SVEP1: variants seen among roughly 807,000 people sequenced by gnomAD.
SVEP1 encodes sushi, von Willebrand factor type A, EGF and pentraxin domain-containing protein 1.
Under a neutral mutation model 367.3 loss-of-function variants are expected in SVEP1, and 164 were observed. The observed-to-expected ratio is 0.45, with a 90% CI of 0.39 to 0.51. SVEP1 has a LOEUF of 0.51. Ranked by LOEUF, SVEP1 falls within the 20% of genes least tolerant of loss-of-function variation. The probability of loss-of-function intolerance (pLI) is 0.00; values close to 1 mark genes in which losing one functional copy is unlikely to be tolerated. For missense variants in SVEP1, 4,117 were observed against 4,425.3 expected, an observed-to-expected ratio of 0.93 and a Z score of 1.98; for synonymous variants, 1,666 against 1,611.6, an observed-to-expected ratio of 1.03 and a Z score of -0.81.
chr9:110,389,455 A>G, intron 41 of SVEP1, 69 bp downstream of exon 41: 1 of 1,569,558 alleles, frequency 6.4e-7, no homozygotes, highest in Non-Finnish European at 8.7e-7. Flanking sequence ...CTATAAAGAA[A>G]ATGTAGCCAC....
At chr9:110,526,879 T>C (rs1373611800) in intron 3 of SVEP1, among the ~76,000 whole-genome samples, 3 of 152,108 alleles carry the variant, frequency 2.0e-5, no homozygotes. Context: ...CACAACCATC[T>C]GGAAAAATCT....
intron 3 of SVEP1, among the ~76,000 whole-genome samples, chr9:110,518,493 G>C (rs1437480749): frequency 6.6e-6 from 1 of 151,426 alleles, no homozygotes; most frequent in East Asian, 1.9e-4. Flanking sequence ...TTGTTTGTTT[G>C]TTTGTAGACA....
chr9:110,434,546 A>G (rs778540809), intron 29 of SVEP1, 40 bp from the exon 30 acceptor site: 1 of 1,591,660 alleles, frequency 6.3e-7, no homozygotes, highest in African/African-American at 1.3e-5. Flanking sequence ...TGTCAGCGGC[A>G]TAGTGGTAGC....
rs560755920 is a variant in SVEP1, at chr9:110,548,726, T to C, written c.787+1123A>G. On this transcript the variant is annotated intron_variant, in intron 2 of 47. Coordinates refer to ENST00000374469, the MANE Select transcript of SVEP1 (RefSeq NM_153366.4). ...ACGCAAATCCATACTTTATTTCCCA[T>C]ACTCAGTTTCTTGCTGCTTCTAAGC... Among the ~76,000 whole-genome samples, 48 of 152,312 alleles carry C rather than the reference T, an allele frequency of 3.2e-4. 1 individual carries two copies. The highest frequency in any genetic ancestry group is 2.9e-3 in the Admixed American group (45 of 15,292).
chr9:110,501,401 C>T (rs971589826), intron 6 of SVEP1, among the ~76,000 whole-genome samples: 1 of 51,964 alleles, frequency 1.9e-5, no homozygotes, highest in African/African-American at 6.3e-5. Context: ...TATAGAAAAG[C>T]TGTCTATTTT....
chr9:110,547,450 C>T (rs1009154198), intron 2 of SVEP1, among the ~76,000 whole-genome samples: 1 of 152,120 alleles, frequency 6.6e-6, no homozygotes, highest in Non-Finnish European at 1.5e-5. Context: ...TGGTACATGC[C>T]TGTTGTCCCA....
chr9:110,527,358 C>T (rs1285783761), intron 3 of SVEP1, among the ~76,000 whole-genome samples: 1 of 151,804 alleles, frequency 6.6e-6, no homozygotes, highest in Non-Finnish European at 1.5e-5. Context: ...CAGAAATATT[C>T]AAAGCAGAGA....
At chr9:110,536,920 G>GAT in intron 3 of SVEP1, among the ~76,000 whole-genome samples, 1 of 152,016 alleles carries the variant, frequency 6.6e-6, no homozygotes. Flanking sequence ...AAAACTAACA[G>GAT]ATAGTCATTT....
chr9:110,380,365 CATA>C (rs577390186), intron 43 of SVEP1, among the ~76,000 whole-genome samples: 22 of 152,180 alleles, frequency 1.4e-4, no homozygotes, highest in South Asian at 1.2e-3. Flanking sequence ...ACTTTGTTGT[CATA>C]ATACTACCAT....
In SVEP1 at chr9:110,436,510, G is replaced by A. The variant is rs1470991445; in HGVS notation, c.4640-6C>T. 1 of 1,612,084 alleles carries A rather than the reference G, an allele frequency of 6.2e-7. No individual in the cohort carries two copies. Among genetic ancestry groups the A allele is most frequent in the Admixed American group, 1.7e-5 (1 of 59,594 alleles). On this transcript the variant is annotated splice_polypyrimidine_tract_variant and splice_region_variant and intron_variant, in intron 27 of 47. Coordinates refer to ENST00000374469, the MANE Select transcript of SVEP1 (RefSeq NM_153366.4). ...CAGAACTAACGCACCACCACCTAAGGAGAGAGAAAGAGAAAGAAAAGGAGG... is the reference window on the plus strand; with the variant it reads ...CAGAACTAACGCACCACCACCTAAGAAGAGAGAAAGAGAAAGAAAAGGAGG...
At chr9:110,398,567 G>A (rs531930451) in intron 40 of SVEP1, among the ~76,000 whole-genome samples, 2 of 145,056 alleles carry the variant, frequency 1.4e-5, no homozygotes, top group South Asian at 4.3e-4. Context: ...CCTACAGAAT[G>A]GGAGAAAATT....
At chr9:110,416,729 A>C (rs1240887813) in intron 36 of SVEP1, among the ~76,000 whole-genome samples, 1 of 152,078 alleles carries the variant, frequency 6.6e-6, no homozygotes, top group African/African-American at 2.4e-5. Context: ...ACACTAAAAC[A>C]ACAAAGACAA....
chr9:110,562,136 TA>T (rs60958087), intron 1 of SVEP1, among the ~76,000 whole-genome samples: 1,627 of 150,814 alleles, frequency 0.011, 24 homozygotes, highest in African/African-American at 0.038. Flanking sequence ...TAAAATGGTT[TA>T]AAAAAAACAT....
At chr9:110,577,958 G>A (rs569982133) in intron 1 of SVEP1, among the ~76,000 whole-genome samples, 1 of 152,244 alleles carries the variant, frequency 6.6e-6, no homozygotes, top group African/African-American at 2.4e-5. Context: ...TATGATATTG[G>A]TGAATATGTG....
intron 43 of SVEP1, among the ~76,000 whole-genome samples, chr9:110,384,513 A>G (rs1827490567): frequency 6.6e-6 from 1 of 151,136 alleles, no homozygotes. Flanking sequence ...TAATACTGCA[A>G]TAAGCTGCTA....
chr9:110,511,488 C>CTTTTTTTTTTTTTTTTTTT (rs199993986), intron 5 of SVEP1, among the ~76,000 whole-genome samples: 2 of 77,570 alleles, frequency 2.6e-5, no homozygotes, highest in Non-Finnish European at 5.5e-5. Context: ...GTGTCAGTAC[C>CTTTTTTTTTTTTTTTTTTT]TTTTTTTTTT....
intron 2 of SVEP1, among the ~76,000 whole-genome samples, chr9:110,548,086 G>T (rs1226248747): frequency 6.6e-6 from 1 of 152,042 alleles, no homozygotes; most frequent in Non-Finnish European, 1.5e-5. Flanking sequence ...ATCCCATCTG[G>T]CAACACCCAG....
At chr9:110,564,459 T>C (rs1830466143) in intron 1 of SVEP1, among the ~76,000 whole-genome samples, 1 of 152,158 alleles carries the variant, frequency 6.6e-6, no homozygotes, top group African/African-American at 2.4e-5. Flanking sequence ...CTGGAACGCT[T>C]GAAAAAGCCA....
chr9:110,561,270 T>A (rs201476384), intron 1 of SVEP1, among the ~76,000 whole-genome samples: 1 of 152,176 alleles, frequency 6.6e-6, no homozygotes, highest in East Asian at 1.9e-4. Context: ...TAGATCAAAG[T>A]TTCCTCTTTT....
Sources: allele counts gnomAD v4.1 joint callset (sites outside exome capture counted in the v4.1 genomes callset), GRCh38; gene constraint gnomAD v4.1.1; transcripts MANE v1.5; gene names NCBI Gene and HGNC (gene_info 2026-07-23, HGNC 2026-07-21).